The following RBFOX1 variants were observed in gnomAD, a reference collection of about 807,000 sequenced individuals.
The protein encoded by RBFOX1 is RNA binding fox-1 homolog 1.
Under a neutral mutation model 57.7 loss-of-function variants are expected in RBFOX1, and 8 were observed. The observed-to-expected ratio is 0.14, with a 90% CI of 0.08 to 0.25. The LOEUF is 0.25. RBFOX1 is among the 10% of genes least tolerant of loss of function. RBFOX1 has a pLI of 1.00. For missense variants in RBFOX1, 611 were observed against 548.5 expected (o/e 1.11, Z -1.14); for synonymous variants, 326 against 222.4 (o/e 1.47, Z -4.15).
chr16:5,373,403 C>T (rs1037909250), intron 1 of RBFOX1, among the ~76,000 whole-genome samples: 2 of 152,134 alleles, frequency 1.3e-5, no homozygotes, highest in African/African-American at 4.8e-5. Context: ...CCTTGCTCTT[C>T]TTGTGATAAT....
At chr16:5,704,733 C>G (rs73518013) in intron 3 of RBFOX1, among the ~76,000 whole-genome samples, 1 of 152,108 alleles carries the variant, frequency 6.6e-6, no homozygotes, top group African/African-American at 2.4e-5. Context: ...CTCCCAGGAC[C>G]CCTCAACTCC....
chr16:7,029,249 TATAC>T lies in RBFOX1; in HGVS notation c.-15-22806_-15-22803del, dbSNP rs1568441852. On this transcript the variant is annotated intron_variant, in intron 3 of 15. Transcript: ENST00000550418. ...ACATATATATACGTATACGTATATA[TATAC>T]ACACATATATATACGTATACGTATA... Among the ~76,000 whole-genome samples the T allele has an allele frequency of 2.3e-4, 16 of 68,816 alleles. No individual in the cohort carries two copies. The East Asian group carries it at 3.1e-3, about 13-fold the overall frequency. 45.1% of individuals were successfully genotyped at this position (68,816 alleles called of 152,430 possible).
chr16:6,979,282 G>A (rs2087981095), intron 3 of RBFOX1, among the ~76,000 whole-genome samples: 1 of 152,152 alleles, frequency 6.6e-6, no homozygotes, highest in Non-Finnish European at 1.5e-5. Flanking sequence ...AGGATTCTAT[G>A]GGGTCCTGTC....
chr16:6,734,414 C>A (rs2069527582), intron 3 of RBFOX1, among the ~76,000 whole-genome samples: 1 of 152,144 alleles, frequency 6.6e-6, no homozygotes, highest in Admixed American at 6.5e-5. Context: ...AATTATGTAG[C>A]CATTTCCTTT....
At chr16:7,218,333 A>G (rs555260400) in intron 4 of RBFOX1, among the ~76,000 whole-genome samples, 1 of 152,126 alleles carries the variant, frequency 6.6e-6, no homozygotes, top group East Asian at 1.9e-4. Flanking sequence ...TCATCAGTAT[A>G]TTGTTTTCTG....
At chr16:7,284,894 C>T (rs2095618257) in intron 4 of RBFOX1, among the ~76,000 whole-genome samples, 2 of 151,658 alleles carry the variant, frequency 1.3e-5, no homozygotes, top group Admixed American at 6.6e-5. Flanking sequence ...ATTGCCTGAG[C>T]ATGCACACTC....
At chr16:6,814,841 C>T (rs1158617194) in intron 3 of RBFOX1, among the ~76,000 whole-genome samples, 6 of 152,070 alleles carry the variant, frequency 3.9e-5, no homozygotes, top group African/African-American at 7.2e-5. Flanking sequence ...GAAAGGGGTC[C>T]TGATCCAGAC....
chr16:5,655,928 TAGATTGTG>T (rs1319585880), intron 3 of RBFOX1, among the ~76,000 whole-genome samples: 24 of 152,210 alleles, frequency 1.6e-4, no homozygotes, highest in Non-Finnish European at 3.2e-4. Context: ...TGCATGTCTC[TAGATTGTG>T]AGCTCTGAGG....
At chr16:6,462,309 A>G (rs975611286) in intron 2 of RBFOX1, among the ~76,000 whole-genome samples, 6 of 152,120 alleles carry the variant, frequency 3.9e-5, no homozygotes, top group African/African-American at 1.4e-4. Context: ...TGCTGATACA[A>G]TTATCCATGT....
At chr16:6,512,911 C>T (rs1745226742) in intron 2 of RBFOX1, among the ~76,000 whole-genome samples, 1 of 152,228 alleles carries the variant, frequency 6.6e-6, no homozygotes, top group Non-Finnish European at 1.5e-5. Context: ...AATGTCAACT[C>T]TGCATTGGCC....
intron 5 of RBFOX1, among the ~76,000 whole-genome samples, chr16:7,564,322 G>A (rs2091169016): frequency 6.6e-6 from 1 of 151,894 alleles, no homozygotes; most frequent in Admixed American, 6.5e-5. Flanking sequence ...GGTAGATCGC[G>A]AGGTCAGGAG....
chr16:7,598,941 C>T (rs747314449), intron 9 of RBFOX1, among the ~76,000 whole-genome samples: 1 of 152,100 alleles, frequency 6.6e-6, no homozygotes, highest in Non-Finnish European at 1.5e-5. Context: ...GTTTCTTTTG[C>T]CAGTGACTAC....
At chr16:6,169,400 G>A (rs903631794) in intron 1 of RBFOX1, among the ~76,000 whole-genome samples, 9 of 151,990 alleles carry the variant, frequency 5.9e-5, no homozygotes, top group African/African-American at 2.2e-4. Context: ...GTTCAGAGAG[G>A]TTATGTCCCT....
intron 3 of RBFOX1, among the ~76,000 whole-genome samples, chr16:6,919,396 C>G (rs976474506): frequency 6.6e-6 from 1 of 152,072 alleles, no homozygotes; most frequent in Admixed American, 6.6e-5. Context: ...CTTATTAGCT[C>G]CATTTTATAG....
chr16:6,912,774 C>A (rs554522245), intron 3 of RBFOX1, among the ~76,000 whole-genome samples: 1 of 151,882 alleles, frequency 6.6e-6, no homozygotes, highest in South Asian at 2.1e-4. Flanking sequence ...CATGCCACCA[C>A]ACGTGCCCGC....
intron 1 of RBFOX1, among the ~76,000 whole-genome samples, chr16:5,305,039 C>T (rs1167980845): frequency 6.6e-6 from 1 of 152,092 alleles, no homozygotes; most frequent in Non-Finnish European, 1.5e-5. Context: ...AGGTTTTCAT[C>T]CACCTGCAGC....
At chr16:6,121,867 C>T (rs1464591458) in intron 1 of RBFOX1, among the ~76,000 whole-genome samples, 1 of 152,136 alleles carries the variant, frequency 6.6e-6, no homozygotes, top group East Asian at 1.9e-4. Flanking sequence ...CTGTAAAATG[C>T]CTAAGACAGA....
intron 1 of RBFOX1, among the ~76,000 whole-genome samples, chr16:6,076,042 T>C (rs2095894553): frequency 2.0e-5 from 3 of 152,140 alleles, no homozygotes; most frequent in Non-Finnish European, 4.4e-5. Context: ...CTCACGCCTG[T>C]AATGTCAGCA....
chr16:7,317,804 G>T (rs1207108811), intron 4 of RBFOX1, among the ~76,000 whole-genome samples: 1 of 152,220 alleles, frequency 6.6e-6, no homozygotes, highest in Non-Finnish European at 1.5e-5. Flanking sequence ...CTTCTCTGCA[G>T]TTTCATTTCT....
Sources: gnomAD v4.1 joint callset for allele counts (sites outside exome capture counted in the v4.1 genomes callset) on GRCh38, gnomAD v4.1.1 for gene constraint, MANE v1.5 for transcripts, NCBI Gene and HGNC (gene_info 2026-07-23, HGNC 2026-07-21) for gene names.